CELA1: variants seen among roughly 807,000 people sequenced by gnomAD.
CELA1 encodes the protein chymotrypsin-like elastase family member 1.
CELA1 carries 28 observed loss-of-function variants against 34.8 expected under a neutral mutation model. The ratio of observed to expected loss-of-function variants is 0.80; its 90% CI spans 0.60 to 1.10. The LOEUF is 1.10. Ranked by LOEUF, CELA1 falls within the 50% of genes least tolerant of loss-of-function variation. CELA1 has a pLI of 0.00. For synonymous variants in CELA1, 140 were observed against 129.8 expected (o/e 1.08, Z -0.53); for missense variants, 288 against 327.5 (o/e 0.88, Z 0.93).
chr12:51,344,515 A>AC (rs1329928639), intron 2 of CELA1, among the ~76,000 whole-genome samples: 2 of 151,970 alleles, frequency 1.3e-5, no homozygotes, highest in African/African-American at 4.8e-5. Context: ...ACATGGTGAA[A>AC]CCCCATCTCT....
At chr12:51,337,923 A>AATATATAT (rs151299974) in intron 6 of CELA1, among the ~76,000 whole-genome samples, 55 of 148,698 alleles carry the variant, frequency 3.7e-4, no homozygotes, top group African/African-American at 1.2e-3. Context: ...AAAAAAAACA[A>AATATATAT]ATATATATAT....
intron 6 of CELA1, among the ~76,000 whole-genome samples, chr12:51,332,482 G>A (rs1946475928): frequency 6.6e-6 from 1 of 152,130 alleles, no homozygotes; most frequent in Admixed American, 6.6e-5. Flanking sequence ...GTTGAAAGTG[G>A]CCTCCCATGG....
At chr12:51,335,614 CTT>C (rs1565700471) in intron 6 of CELA1, among the ~76,000 whole-genome samples, 1 of 147,836 alleles carries the variant, frequency 6.8e-6, no homozygotes, top group Non-Finnish European at 1.5e-5. Context: ...AGCTACCAGA[CTT>C]TTTTTGTTCT....
At chr12:51,328,967 T>A (rs1946452076) in intron 7 of CELA1, among the ~76,000 whole-genome samples, 1 of 152,026 alleles carries the variant, frequency 6.6e-6, no homozygotes, top group Non-Finnish European at 1.5e-5. Context: ...CTGTCAAAAA[T>A]TAGAGCAGGC....
intron 4 of CELA1, among the ~76,000 whole-genome samples, chr12:51,341,627 C>G (rs1946535869): frequency 6.6e-6 from 1 of 152,078 alleles, no homozygotes; most frequent in Non-Finnish European, 1.5e-5. Context: ...ACCTTTGCAA[C>G]CCCGGGAAGT....
At chr12:51,336,464 TA>T (rs1158472592) in intron 6 of CELA1, among the ~76,000 whole-genome samples, 15 of 152,086 alleles carry the variant, frequency 9.9e-5, no homozygotes, top group Non-Finnish European at 7.4e-5. Flanking sequence ...CCGTCTCTAC[TA>T]AAAATACAAA....
At chr12:51,344,019 A>T (rs1946552730) in intron 2 of CELA1, among the ~76,000 whole-genome samples, 166 bp from the exon 3 acceptor site, 1 of 152,266 alleles carries the variant, frequency 6.6e-6, no homozygotes, top group South Asian at 2.1e-4. Flanking sequence ...ACATAGTGAG[A>T]CCTCGCCTCT....
intron 5 of CELA1, among the ~76,000 whole-genome samples, 170 bp from the exon 6 acceptor site, chr12:51,340,175 G>A (rs1185279007): frequency 2.0e-5 from 3 of 152,018 alleles, no homozygotes; most frequent in Non-Finnish European, 2.9e-5. Context: ...TTATATGGCC[G>A]CACAGGACCC....
chr12:51,338,226 A>C (rs565898268), intron 6 of CELA1, among the ~76,000 whole-genome samples: 78 of 148,698 alleles, frequency 5.2e-4, no homozygotes, highest in African/African-American at 1.9e-3. Context: ...CGACAGAGTG[A>C]GACTCCATCT....
chr12:51,329,411 G>A (rs1057417943), intron 7 of CELA1, among the ~76,000 whole-genome samples: 1 of 152,084 alleles, frequency 6.6e-6, no homozygotes, highest in Admixed American at 6.6e-5. Context: ...GCACTGATAT[G>A]TCCCTGATTC....
Position 51,339,887 on chromosome 12 carries a change from A to T in CELA1, c.582T>A (p.Gly194=). Residue 194 remains glycine (G), a synonymous_variant, in exon 6 of 8, where the codon GGT becomes GGA. Transcript: ENST00000293636. The stretch of plus-strand genomic sequence containing the variant: ...GGCATCCAGAGCGAACTCCATCTCC[A>T]CCAGCACACACCATGGTGTTCTTCA... ...STVKNTMVCA[G]GDGVRSGCQG... 1 of 1,613,926 alleles carries T rather than the reference A, an allele frequency of 6.2e-7. No homozygotes were observed. The highest frequency in any genetic ancestry group is 8.5e-7 in the Non-Finnish European group (1 of 1,179,958).
At chr12:51,330,375 T>C (rs1024428980) in intron 6 of CELA1, among the ~76,000 whole-genome samples, 1 of 152,114 alleles carries the variant, frequency 6.6e-6, no homozygotes, top group Non-Finnish European at 1.5e-5. Flanking sequence ...GGAACCTGGG[T>C]TTATGGAATA....
Position 51,343,758 on chromosome 12 carries a change from C to T in CELA1, c.195G>A (p.Val65=), listed in dbSNP as rs754973369. The change falls in exon 3 of 8, where the codon GTG becomes GTA. Residue 65 remains valine, a synonymous_variant. Coordinates refer to ENST00000293636, the MANE Select transcript of CELA1 (RefSeq NM_001971.6). ...QNWVMTAAHC[V]DYQKTFRVVA... is the part of the protein sequence containing the mutation. ...CTTGTCTTTGTTTTTCTTACTAATC[C>T]ACGCAGTGAGCAGCTGTCATCACCC... 2 of 1,581,772 alleles carry T rather than the reference C, an allele frequency of 1.3e-6. No homozygotes were observed. The highest frequency in any genetic ancestry group is 1.3e-5 in the African/African-American group (1 of 74,474).
rs11169810 is a variant in CELA1, at chr12:51,339,133, G to A, written c.609+727C>T. Among the ~76,000 whole-genome samples, 79 of 152,326 alleles carry A rather than the reference G, an allele frequency of 5.2e-4. No individual in the cohort carries two copies. In the East Asian group the frequency reaches 0.011, roughly 22 times the overall value. On this transcript the variant is annotated intron_variant, in intron 6 of 7. Coordinates refer to ENST00000293636, the MANE Select transcript of CELA1 (RefSeq NM_001971.6). The stretch of plus-strand genomic sequence containing the variant: ...CTGCCAGAAATATCACTGGGGTAAA[G>A]GGATGGTGGTAGAGGAACTGCAAGA...
At chr12:51,338,240 GA>G (rs1228925679) in intron 6 of CELA1, among the ~76,000 whole-genome samples, 9 of 61,920 alleles carry the variant, frequency 1.5e-4, no homozygotes, top group African/African-American at 3.0e-4. Context: ...TCCATCTCAG[GA>G]AAAAAAAAAA....
At chr12:51,337,797 C>T (rs903445898) in intron 6 of CELA1, among the ~76,000 whole-genome samples, 1 of 151,430 alleles carries the variant, frequency 6.6e-6, no homozygotes, top group African/African-American at 2.4e-5. Context: ...GTAGTCCCAG[C>T]TACTAGGGAG....
At chr12:51,333,077 GT>G (rs1946479794) in intron 6 of CELA1, among the ~76,000 whole-genome samples, 2 of 148,622 alleles carry the variant, frequency 1.3e-5, no homozygotes, top group Admixed American at 1.4e-4. Flanking sequence ...GTATAGATGT[GT>G]AGCCCCACTC....
intron 4 of CELA1, 51 bp downstream of exon 4, chr12:51,342,524 G>C (rs369189605): frequency 6.2e-7 from 1 of 1,612,506 alleles, no homozygotes; most frequent in Non-Finnish European, 8.5e-7. Context: ...CCAGTTGTTG[G>C]CTAGTCAGGC....
chr12:51,340,021 G>A lies in CELA1; in HGVS notation c.464-16C>T, dbSNP rs200419559. 1.1e-4 allele frequency: 170 copies of A among 1,608,316 alleles called. No homozygotes were observed. In the East Asian group the frequency reaches 1.1e-3, roughly 10 times the overall value. On this transcript the variant is annotated splice_polypyrimidine_tract_variant and intron_variant, in intron 5 of 7. Transcript: ENST00000293636. ...TGCCCATTGGCTGAACAGGACACAC[G>A]GCATTGGCAGTCAGCTCCAGATGTG...
Sources: gnomAD v4.1 joint callset for allele counts (sites outside exome capture counted in the v4.1 genomes callset) on GRCh38, gnomAD v4.1.1 for gene constraint, MANE v1.5 for transcripts, NCBI Gene and HGNC (gene_info 2026-07-23, HGNC 2026-07-21) for gene names.